Variants in ERMP1 observed in about 807,000 individuals in gnomAD.
ERMP1 encodes Felix-ina.
Under a neutral mutation model 92.0 loss-of-function variants are expected in ERMP1, and 86 were observed. The observed-to-expected ratio is 0.93, with a 90% CI of 0.79 to 1.12. ERMP1 has a LOEUF of 1.12. Among genes scored for constraint, ERMP1 ranks in the 50% most tolerant of loss-of-function variants. ERMP1 has a pLI of 0.00. For missense variants in ERMP1, 1,342 were observed against 1,116.3 expected, an observed-to-expected ratio of 1.20 and a Z score of -2.88; for synonymous variants, 530 against 412.8, an observed-to-expected ratio of 1.28 and a Z score of -3.44.
intron 5 of ERMP1, among the ~76,000 whole-genome samples, chr9:5,863,515 G>C (rs1038956943): frequency 6.6e-6 from 1 of 152,184 alleles, no homozygotes; most frequent in Non-Finnish European, 1.5e-5. Context: ...ATGAGGGTGT[G>C]TCCAGCTGGG....
At chr9:5,811,867 T>C (rs753838814) in intron 6 of ERMP1, among the ~76,000 whole-genome samples, 8 of 152,152 alleles carry the variant, frequency 5.3e-5, no homozygotes, top group Non-Finnish European at 1.2e-4. Context: ...CAGAGCTACA[T>C]TCTTACCACT....
At chr9:5,796,359 C>T (rs1224481139) in intron 13 of ERMP1, among the ~76,000 whole-genome samples, 1 of 152,176 alleles carries the variant, frequency 6.6e-6, no homozygotes, top group African/African-American at 2.4e-5. Flanking sequence ...AGAAATCAGT[C>T]AATGGAAAGA....
intron 6 of ERMP1, among the ~76,000 whole-genome samples, chr9:5,857,435 T>G (rs1444428051): frequency 6.6e-6 from 1 of 152,236 alleles, no homozygotes; most frequent in African/African-American, 2.4e-5. Flanking sequence ...ACTCTGCGTG[T>G]GTCTCAATGA....
chr9:5,849,867 G>T (rs1017937630), intron 6 of ERMP1, among the ~76,000 whole-genome samples: 1 of 152,130 alleles, frequency 6.6e-6, no homozygotes, highest in Non-Finnish European at 1.5e-5. Context: ...TAAAATCTAG[G>T]CCAAAGGGCA....
At chr9:5,830,385 A>G (rs999534109) in intron 2 of ERMP1, among the ~76,000 whole-genome samples, 3 of 152,186 alleles carry the variant, frequency 2.0e-5, no homozygotes, top group African/African-American at 7.2e-5. Flanking sequence ...CAGCTGAGTA[A>G]AACACTTTCT....
rs750429948 is a variant in ERMP1 at position 5,797,912 on chromosome 9, G to A, written c.2291C>T (p.Ala764Val). 9.9e-6 allele frequency: 16 copies of A among 1,611,966 alleles called. No individual in the cohort carries two copies. Among genetic ancestry groups the A allele is most frequent in the Non-Finnish European group, 1.2e-5 (14 of 1,178,454 alleles). Residue 764 changes from alanine to valine, a missense_variant, in exon 13 of 15, where the codon GCC becomes GTC. Coordinates refer to ENST00000339450, the MANE Select transcript of ERMP1 (RefSeq NM_024896.3). ...FLIRKNWYLP[A>V]PEVSPRNPPH... ...AGGATTTCTTGGAGAAACTTCTGGG[G>A]CAGGAAGATACCAGTTTTTCCTATT...
chr9:5,861,717 GTTTTTTTTTT>G (rs34804675), intron 5 of ERMP1, among the ~76,000 whole-genome samples: 9 of 66,230 alleles, frequency 1.4e-4, no homozygotes, highest in African/African-American at 3.5e-4. Context: ...GAGAGGAAGG[GTTTTTTTTTT>G]TTTTTTTTTT....
chr9:5,799,562 G>A (rs377498389), intron 11 of ERMP1, among the ~76,000 whole-genome samples: 8 of 152,134 alleles, frequency 5.3e-5, no homozygotes, highest in South Asian at 4.1e-4. Context: ...GGCAGGAGCC[G>A]GCAAACTGCA....
chr9:5,787,769 T>C (rs1468797665), intron 13 of ERMP1, among the ~76,000 whole-genome samples, 176 bp from the exon 14 acceptor site: 1 of 152,224 alleles, frequency 6.6e-6, no homozygotes, highest in Non-Finnish European at 1.5e-5. Context: ...CAAGGTTAAA[T>C]AATGAGGTAC....
rs113434023 is a variant in ERMP1, at chr9:5,843,322, C to T, written n.3200-10010G>A. Among the ~76,000 whole-genome samples the T allele has an allele frequency of 3.9e-3, 588 of 152,306 alleles. 6 individuals carry two copies. The highest frequency in any genetic ancestry group is 0.013 in the African/African-American group (559 of 41,572). ...CAGAAACTCAGATATTTATGTGAAACCTTCTGCTCTGTTAATGTTGGAAAC... is the reference window on the plus strand; with the variant it reads ...CAGAAACTCAGATATTTATGTGAAATCTTCTGCTCTGTTAATGTTGGAAAC... On this transcript the variant is annotated intron_variant and non_coding_transcript_variant, in intron 6 of 6. Transcript: ENST00000690753.
chr9:5,852,498 CAG>C (rs1830322023), intron 6 of ERMP1, among the ~76,000 whole-genome samples: 2 of 151,838 alleles, frequency 1.3e-5, no homozygotes, highest in African/African-American at 4.8e-5. Context: ...TCAAGTAATC[CAG>C]CTGCCTCAGC....
Position 5,833,074 on chromosome 9 carries a change from C to G in ERMP1, c.-47G>C. The G allele has an allele frequency of 7.2e-7, 1 of 1,392,224 alleles. No individual in the cohort carries two copies. 86.2% of individuals were successfully genotyped at this position (1,392,224 alleles called of 1,614,324 possible). On this transcript the variant is annotated 5_prime_UTR_variant, in exon 1 of 15. Transcript: ENST00000339450. ...GCCCAACCGCCCCAACCCGCGACAG[C>G]CCCGGCCGCCGCCGACGCCGCCGTC...
chr9:5,796,307 A>G, intron 13 of ERMP1, among the ~76,000 whole-genome samples: 1 of 152,222 alleles, frequency 6.6e-6, no homozygotes, highest in Non-Finnish European at 1.5e-5. Flanking sequence ...TAACTATATA[A>G]TTACAGTGAT....
chr9:5,848,527 T>C lies in ERMP1; in HGVS notation n.3199+10941A>G, dbSNP rs16923559. Among the ~76,000 whole-genome samples, 320 of 152,348 alleles carry C rather than the reference T, an allele frequency of 2.1e-3. 5 individuals carry two copies. The East Asian group carries it at 0.031, about 15-fold the overall frequency. ...CATAGGAAGCTAATACACATCCAGA[T>C]ACAAGGAGTGGCAGAAAGAAAAGAA... On this transcript the variant is annotated intron_variant and non_coding_transcript_variant, in intron 6 of 6. Transcript: ENST00000690753.
chr9:5,797,859 G>A lies in ERMP1; in HGVS notation c.2344C>T (p.Gln782Ter). ...PPHFRLISKE[Q>*]TPWDSIKLTF... ...AATTTTATAGAATCCCAAGGTGTCT[G>A]TTCTTTGGATATGAGTCGGAAATGA... The change falls in exon 13 of 15, where the codon CAG becomes TAG. Residue 782 changes from glutamine to a stop codon, truncating the protein, a stop_gained. Transcript: ENST00000339450. LOFTEE classifies it high-confidence loss of function. 6.2e-7 allele frequency: 1 copy of A among 1,613,586 alleles called. No homozygotes were observed. Among genetic ancestry groups the A allele is most frequent in the East Asian group, 2.2e-5 (1 of 44,864 alleles).
intron 1 of ERMP1, among the ~76,000 whole-genome samples, 196 bp from the exon 2 acceptor site, chr9:5,831,224 C>G (rs762730527): frequency 1.3e-5 from 2 of 152,158 alleles, no homozygotes; most frequent in Non-Finnish European, 2.9e-5. Flanking sequence ...TTGCCTCCCA[C>G]GAGTTGACCC....
chr9:5,795,045 A>G (rs1319017594), intron 13 of ERMP1, among the ~76,000 whole-genome samples: 1 of 152,174 alleles, frequency 6.6e-6, no homozygotes, highest in Non-Finnish European at 1.5e-5. Flanking sequence ...GGTTTTATAC[A>G]CCATAACCAA....
In ERMP1 at chr9:5,833,085, G is replaced by GCCGACGCCA. The variant is rs2129710884; in HGVS notation, c.-59_-58insTGGCGTCGG. 7.4e-7 allele frequency: 1 copy of GCCGACGCCA among 1,353,294 alleles called. No individual in the cohort carries two copies. The highest frequency in any genetic ancestry group is 9.5e-7 in the Non-Finnish European group (1 of 1,048,096). 83.8% of individuals were successfully genotyped at this position (1,353,294 alleles called of 1,614,324 possible). A position where few individuals can be genotyped will look rare whatever the true frequency, so the allele number is the denominator to read the frequency against. On this transcript the variant is annotated 5_prime_UTR_variant, in exon 1 of 15. Transcript: ENST00000339450. ...CCAACCCGCGACAGCCCCGGCCGCC[G>GCCGACGCCA]CCGACGCCGCCGTCGCTGCCGCAGC...
At chr9:5,838,573 G>T (rs1471402952) in intron 6 of ERMP1, among the ~76,000 whole-genome samples, 1 of 151,814 alleles carries the variant, frequency 6.6e-6, no homozygotes, top group African/African-American at 2.4e-5. Context: ...GGTTTTTGAT[G>T]TAGTAATTTC....
Sources: gnomAD v4.1 joint callset for allele counts (sites outside exome capture counted in the v4.1 genomes callset) on GRCh38, gnomAD v4.1.1 for gene constraint, MANE v1.5 for transcripts, NCBI Gene and HGNC (gene_info 2026-07-23, HGNC 2026-07-21) for gene names.